The following MYO6 variants were observed in gnomAD, a reference collection of about 807,000 sequenced individuals.
The protein encoded by MYO6 is unconventional myosin-VI.
In MYO6, 74 loss-of-function variants were observed where a neutral mutation model predicts 178.7. That is an observed-to-expected ratio of 0.41 (90% CI 0.34 to 0.50). The LOEUF (loss-of-function observed/expected upper bound fraction) is 0.50, where lower values mean the gene tolerates loss of function less well. Ranked by LOEUF, MYO6 falls within the 20% of genes least tolerant of loss-of-function variation. The pLI is 0.09. For missense variants in MYO6, 1,330 were observed against 1,547.4 expected (o/e 0.86, Z 2.36); for synonymous variants, 477 against 504.6 (o/e 0.95, Z 0.73).
At chr6:75,885,611 T>C (rs1299427923) in intron 23 of MYO6, among the ~76,000 whole-genome samples, 1 of 152,138 alleles carries the variant, frequency 6.6e-6, no homozygotes, top group Non-Finnish European at 1.5e-5. Context: ...CATGCCTGGC[T>C]AATTTTTTGT....
chr6:75,780,313 A>C (rs1370064653), intron 1 of MYO6, among the ~76,000 whole-genome samples: 1 of 152,168 alleles, frequency 6.6e-6, no homozygotes, highest in Non-Finnish European at 1.5e-5. Context: ...GTGGTGGTGC[A>C]CACCTGTAAT....
At chr6:75,753,220 G>A (rs79839183) in intron 1 of MYO6, among the ~76,000 whole-genome samples, 3,083 of 151,930 alleles carry the variant, frequency 0.02, 40 homozygotes, top group South Asian at 0.041. Context: ...CTACCATTAC[G>A]GATTTTTTTC....
chr6:75,842,751 T>C (rs1323363352), intron 9 of MYO6, among the ~76,000 whole-genome samples: 1 of 152,204 alleles, frequency 6.6e-6, no homozygotes, highest in African/African-American at 2.4e-5. Flanking sequence ...ATAATAATGA[T>C]GATACGGTTT....
chr6:75,777,987 G>A (rs1045998447), intron 1 of MYO6, among the ~76,000 whole-genome samples: 4 of 151,872 alleles, frequency 2.6e-5, no homozygotes, highest in Non-Finnish European at 5.9e-5. Context: ...AATGGCCAAG[G>A]TATAAGACAC....
intron 1 of MYO6, among the ~76,000 whole-genome samples, chr6:75,803,510 T>G (rs1769699462): frequency 6.6e-6 from 1 of 152,194 alleles, no homozygotes; most frequent in South Asian, 2.1e-4. Flanking sequence ...GGAATGGACA[T>G]TTGTCTTATT....
Position 75,892,718 on chromosome 6 carries a change from C to A in MYO6, c.3107+28C>A, listed in dbSNP as rs371108526. 5 of 1,610,858 alleles carry A rather than the reference C, an allele frequency of 3.1e-6. No individual in the cohort carries two copies. The Admixed American group carries it at 8.3e-5, about 27-fold the overall frequency. On this transcript the variant is annotated intron_variant, in intron 28 of 34. Transcript: ENST00000369977. ...ACTGGGGCCCCTGGGTGGGGTATAG[C>A]GCTCTCTCCTTTGCTTTCTCTACCT... is the stretch of plus-strand genomic sequence containing the variant.
intron 1 of MYO6, among the ~76,000 whole-genome samples, chr6:75,750,388 C>T (rs1776769502): frequency 6.6e-6 from 1 of 151,980 alleles, no homozygotes; most frequent in Non-Finnish European, 1.5e-5. Flanking sequence ...AGCCACTGCG[C>T]CTGGCCAAAT....
chr6:75,806,950 C>G (rs1770162704), intron 1 of MYO6, among the ~76,000 whole-genome samples: 1 of 152,066 alleles, frequency 6.6e-6, no homozygotes, highest in Non-Finnish European at 1.5e-5. Context: ...TCTAGTGCCA[C>G]TGGGTTAGGG....
chr6:75,873,332 G>A, intron 20 of MYO6, 32 bp downstream of exon 20: 1 of 1,480,894 alleles, frequency 6.8e-7, no homozygotes, highest in Non-Finnish European at 9.4e-7. Context: ...GTGTGTGTTA[G>A]TAGTCATAGC....
rs561726620 is a variant in MYO6, at chr6:75,837,984, G to T, written c.553+2028G>T. ...CACCCAGTTTCTTCCCCAGTAATGT[G>T]CTGTACAGTATGTAGTGTGTTATAG... On this transcript the variant is annotated intron_variant, in intron 7 of 34. Coordinates refer to ENST00000369977, the MANE Select transcript of MYO6 (RefSeq NM_004999.4). 5.5e-4 allele frequency among the ~76,000 whole-genome samples: 84 copies of T among 151,858 alleles called. 1 individual carries two copies. In the South Asian group the frequency reaches 0.012, roughly 22 times the overall value.
At position 75,848,353 on chromosome 6, in the gene MYO6, C is replaced by T. The variant is rs768772589; in HGVS notation, c.900C>T (p.Tyr300=). ...ATTGGTGTCTTCTTGTTTTGTAGTACCTTAAGGCAGGTTCTATGAAAGATC... is the reference window on the plus strand; with the variant it reads ...ATTGGTGTCTTCTTGTTTTGTAGTATCTTAAGGCAGGTTCTATGAAAGATC... The part of the protein sequence containing the change: ...QILQNRKSPE[Y]LKAGSMKDPL... Residue 300 remains tyrosine (Y), a splice_region_variant and synonymous_variant, in exon 11 of 35, where the codon TAC becomes TAT. Coordinates refer to ENST00000369977, the MANE Select transcript of MYO6 (RefSeq NM_004999.4). 7 of 1,613,058 alleles carry T rather than the reference C, an allele frequency of 4.3e-6. No individual in the cohort carries two copies. Among genetic ancestry groups the T allele is most frequent in the Admixed American group, 3.3e-5 (2 of 59,948 alleles).
At chr6:75,870,773 C>CCTG in intron 19 of MYO6, 88 bp downstream of exon 19, 1 of 1,045,898 alleles carries the variant, frequency 9.6e-7, no homozygotes, top group South Asian at 1.6e-5. Flanking sequence ...TAACCCTGTA[C>CCTG]TAATTAAAAA....
chr6:75,909,187 C>T (rs979806027), intron 32 of MYO6, among the ~76,000 whole-genome samples: 1 of 152,150 alleles, frequency 6.6e-6, no homozygotes, highest in Non-Finnish European at 1.5e-5. Context: ...ACTGCTCCCA[C>T]CCCTTTTTCT....
chr6:75,792,865 C>G (rs539862098), intron 1 of MYO6, among the ~76,000 whole-genome samples: 18 of 152,100 alleles, frequency 1.2e-4, no homozygotes, highest in Middle Eastern at 3.2e-3. Flanking sequence ...CTCACTGCAG[C>G]CTTGAACTCC....
intron 12 of MYO6, among the ~76,000 whole-genome samples, chr6:75,855,627 C>T (rs1002528783): frequency 6.6e-5 from 10 of 152,082 alleles, no homozygotes; most frequent in Admixed American, 3.9e-4. Context: ...ATCTATTAAG[C>T]AGATCTCACT....
chr6:75,829,092 A>C (rs1242395010), intron 4 of MYO6, among the ~76,000 whole-genome samples: 2 of 152,146 alleles, frequency 1.3e-5, no homozygotes, highest in Non-Finnish European at 2.9e-5. Context: ...GTATCTGAGG[A>C]AATACTAAGA....
intron 30 of MYO6, 59 bp downstream of exon 30, chr6:75,898,470 A>G: frequency 7.1e-7 from 1 of 1,401,530 alleles, no homozygotes; most frequent in Admixed American, 1.7e-5. Context: ...TTTTTAAATT[A>G]CTTTTGATTA....
chr6:75,763,020 C>A (rs908416042), intron 1 of MYO6, among the ~76,000 whole-genome samples: 1 of 151,114 alleles, frequency 6.6e-6, no homozygotes, highest in Non-Finnish European at 1.5e-5. Flanking sequence ...CTGCATCTGA[C>A]CTGTAATTTT....
chr6:75,886,371 A>T (rs530218631), intron 24 of MYO6, among the ~76,000 whole-genome samples: 1 of 152,300 alleles, frequency 6.6e-6, no homozygotes, highest in Admixed American at 6.5e-5. Context: ...AAGCTCTTTT[A>T]TTCTGATTAT....
Sources: allele counts gnomAD v4.1 joint callset (sites outside exome capture counted in the v4.1 genomes callset), GRCh38; gene constraint gnomAD v4.1.1; transcripts MANE v1.5; gene names NCBI Gene and HGNC (gene_info 2026-07-23, HGNC 2026-07-21).